Variants in KCNH1 observed in about 807,000 individuals in gnomAD.
The protein encoded by KCNH1 is potassium voltage-gated channel subfamily H member 1, also known as voltage-gated delayed rectifier potassium channel KCNH1.
A neutral mutation model predicts 69.2 loss-of-function variants in KCNH1; 27 were observed. The observed-to-expected ratio is 0.39, with a 90% CI of 0.29 to 0.54. The LOEUF is 0.54. Among genes scored for constraint, KCNH1 ranks in the 20% least tolerant of loss-of-function variants. The probability of loss-of-function intolerance (pLI) is 0.68; values close to 1 mark genes in which losing one functional copy is unlikely to be tolerated. For synonymous variants in KCNH1, 456 were observed against 487.7 expected (o/e 0.93, Z 0.86); for missense variants, 798 against 1,261.6 (o/e 0.63, Z 5.57).
intron 1 of KCNH1, among the ~76,000 whole-genome samples, chr1:211,130,286 A>G (rs541167982): frequency 3.3e-4 from 50 of 152,360 alleles, no homozygotes; most frequent in Non-Finnish European, 4.1e-4. Context: ...TAAAGAACAG[A>G]TAATTATCAA....
intron 6 of KCNH1, among the ~76,000 whole-genome samples, chr1:210,942,540 C>G (rs1371021731): frequency 1.3e-5 from 2 of 152,122 alleles, no homozygotes; most frequent in African/African-American, 4.8e-5. Context: ...AACTATTTCT[C>G]CACAGTAAAG....
At chr1:210,929,340 G>A (rs1174900102) in intron 6 of KCNH1, among the ~76,000 whole-genome samples, 1 of 151,994 alleles carries the variant, frequency 6.6e-6, no homozygotes, top group Non-Finnish European at 1.5e-5. Flanking sequence ...TGATCAAGTG[G>A]GTTTCATACC....
Position 210,683,441 on chromosome 1 carries a change from A to G in KCNH1, c.2810T>C (p.Ile937Thr), listed in dbSNP as rs1185796104. ...LEVRHELKEDIKALNAKMTNI... is the reference protein window; with the variant it reads ...LEVRHELKEDTKALNAKMTNI... ...GGTCATTTTGGCGTTTAAGGCCTTG[A>G]TGTCCTCCTTCAGCTCGTGCCTCAC... Residue 937 changes from isoleucine (I) to threonine (T), a missense_variant, in exon 11 of 11, where the codon ATC (isoleucine) becomes ACC (threonine). Ile to Thr is a moderately conservative substitution (Grantham distance 89, BLOSUM62 -1). Transcript: ENST00000271751. This position sits in a 1 kb window ranked among gnomAD's most constrained non-coding sequence, Gnocchi z 5.7. 1 of 1,614,064 alleles carries G rather than the reference A, an allele frequency of 6.2e-7. No individual in the cohort carries two copies. The highest frequency in any genetic ancestry group is 8.5e-7 in the Non-Finnish European group (1 of 1,180,020).
At chr1:211,091,048 G>A (rs546695782) in intron 3 of KCNH1, among the ~76,000 whole-genome samples, 14 of 152,062 alleles carry the variant, frequency 9.2e-5, no homozygotes, top group Non-Finnish European at 1.8e-4. Flanking sequence ...AAAGAGTAGG[G>A]GACAAGATAG....
At chr1:211,110,657 G>A (rs1422801238) in intron 1 of KCNH1, among the ~76,000 whole-genome samples, 3 of 152,112 alleles carry the variant, frequency 2.0e-5, no homozygotes, top group African/African-American at 4.8e-5. Context: ...GGTGATAAAA[G>A]TTTAGGGAGA....
chr1:210,910,203 T>C (rs1687200644), intron 7 of KCNH1, among the ~76,000 whole-genome samples: 1 of 148,286 alleles, frequency 6.7e-6, no homozygotes, highest in African/African-American at 2.5e-5. Context: ...TTTCATCAAA[T>C]TGGCCTTACT....
Position 210,917,207 on chromosome 1 carries a change from C to CAGAGAG in KCNH1, c.1462+2427_1462+2432dup, listed in dbSNP as rs140438633. ...ATAAAGAGACAGAGAAAGAAAGGGA[C>CAGAGAG]AGAGAGAGAGAGAGAGAGAGAGAGA... is the stretch of plus-strand genomic sequence containing the variant. On this transcript the variant is annotated intron_variant, in intron 7 of 10. Transcript: ENST00000271751. 1.6e-3 allele frequency among the ~76,000 whole-genome samples: 172 copies of CAGAGAG among 108,796 alleles called. 3 individuals are homozygous for CAGAGAG. The highest frequency in any genetic ancestry group is 3.8e-3 in the African/African-American group (103 of 27,346). 71.4% of individuals were successfully genotyped at this position (108,796 alleles called of 152,430 possible).
chr1:211,089,976 C>G (rs1466125619), intron 4 of KCNH1, among the ~76,000 whole-genome samples: 1 of 152,222 alleles, frequency 6.6e-6, no homozygotes, highest in Admixed American at 6.5e-5. Flanking sequence ...ACAATACATG[C>G]ATATGATATG....
At chr1:210,913,470 T>A (rs1044565008) in intron 7 of KCNH1, among the ~76,000 whole-genome samples, 2 of 152,148 alleles carry the variant, frequency 1.3e-5, no homozygotes, top group Admixed American at 1.3e-4. Flanking sequence ...AATTTTCAAA[T>A]TTTTCCAAAA....
chr1:211,014,343 G>A (rs1368409617), intron 6 of KCNH1, among the ~76,000 whole-genome samples: 1 of 152,194 alleles, frequency 6.6e-6, no homozygotes, highest in Non-Finnish European at 1.5e-5. Context: ...AGTTCGCTCT[G>A]TTTCCAGACC....
chr1:210,918,507 C>T (rs61848992), intron 7 of KCNH1, among the ~76,000 whole-genome samples: 22,476 of 152,156 alleles, frequency 0.15, 1,986 homozygotes, highest in East Asian at 0.39. Context: ...CTACATAAGA[C>T]TCCCTTTAAT....
chr1:210,780,986 G>A (rs1683968323), intron 9 of KCNH1, among the ~76,000 whole-genome samples: 1 of 152,174 alleles, frequency 6.6e-6, no homozygotes, highest in Admixed American at 6.5e-5. Context: ...GATGGAGCTT[G>A]CAGTGAGCCG....
intron 6 of KCNH1, among the ~76,000 whole-genome samples, chr1:210,944,827 A>T (rs1437393318): frequency 6.6e-6 from 1 of 152,218 alleles, no homozygotes; most frequent in African/African-American, 2.4e-5. Context: ...GTACATTCAC[A>T]AGGTTGTACA....
intron 10 of KCNH1, among the ~76,000 whole-genome samples, chr1:210,755,097 C>A (rs1461327318): frequency 1.3e-5 from 2 of 152,082 alleles, no homozygotes; most frequent in East Asian, 1.9e-4. Flanking sequence ...CCCTCTGTGA[C>A]CCCTGTGCAT....
intron 6 of KCNH1, among the ~76,000 whole-genome samples, chr1:210,933,615 T>G (rs923477131): frequency 6.6e-6 from 1 of 150,616 alleles, no homozygotes; most frequent in Non-Finnish European, 1.5e-5. Flanking sequence ...TTTCAAAAGA[T>G]AAACAAAATC....
At chr1:210,775,884 A>C (rs1405752464) in intron 9 of KCNH1, among the ~76,000 whole-genome samples, 1 of 152,140 alleles carries the variant, frequency 6.6e-6, no homozygotes, top group Non-Finnish European at 1.5e-5. Flanking sequence ...ACTGATAATA[A>C]TCCTTCATTA....
At chr1:211,023,159 TA>T (rs1340585210) in intron 5 of KCNH1, among the ~76,000 whole-genome samples, 5 of 97,500 alleles carry the variant, frequency 5.1e-5, no homozygotes, top group Non-Finnish European at 8.4e-5. Flanking sequence ...AATAAATAAA[TA>T]AATTAAAAAT....
intron 9 of KCNH1, among the ~76,000 whole-genome samples, chr1:210,776,988 C>T (rs1417681370): frequency 6.6e-6 from 1 of 152,090 alleles, no homozygotes; most frequent in Non-Finnish European, 1.5e-5. Flanking sequence ...ATTTGAATCC[C>T]CAGGGAGCCA....
At chr1:210,835,555 G>C (rs1320479721) in intron 7 of KCNH1, among the ~76,000 whole-genome samples, 1 of 152,132 alleles carries the variant, frequency 6.6e-6, no homozygotes, top group Admixed American at 6.5e-5. Flanking sequence ...CCAGAATGTG[G>C]GAGAGAGGGA....
Sources: gnomAD v4.1 joint callset for allele counts (sites outside exome capture counted in the v4.1 genomes callset) on GRCh38, gnomAD v4.1.1 for gene constraint, Gnocchi (gnomAD v3.1) non-coding constraint, MANE v1.5 for transcripts, NCBI Gene and HGNC (gene_info 2026-07-23, HGNC 2026-07-21) for gene names.